Variants in SPMIP2 observed in about 807,000 individuals in gnomAD.
SPMIP2 encodes sperm microtubule inner protein 2, also known as protein SPMIP2.
At chr4:158,982,389 A>T in the SPMIP2 span, among the ~76,000 whole-genome samples, 3 of 152,214 alleles carry the variant, frequency 2.0e-5, no homozygotes, top group Non-Finnish European at 4.4e-5. Flanking sequence ...AGACATCCAC[A>T]GAACTCTCCA....
At chr4:159,073,259 T>C in the SPMIP2 span, among the ~76,000 whole-genome samples, 1 of 152,136 alleles carries the variant, frequency 6.6e-6, no homozygotes, top group African/African-American at 2.4e-5. Flanking sequence ...GCTCAAGTGA[T>C]GCTTCCACCT....
the SPMIP2 span, among the ~76,000 whole-genome samples, chr4:158,962,645 A>C: frequency 6.6e-6 from 1 of 152,164 alleles, no homozygotes; most frequent in African/African-American, 2.4e-5. Flanking sequence ...ACAGCCTGTG[A>C]GAAGCATTTC....
the SPMIP2 span, among the ~76,000 whole-genome samples, chr4:159,080,115 AC>A: frequency 6.6e-6 from 1 of 152,218 alleles, no homozygotes; most frequent in African/African-American, 2.4e-5. Flanking sequence ...GTCTTGATGT[AC>A]AAAGTGACTG....
chr4:158,966,981 C>T, the SPMIP2 span, among the ~76,000 whole-genome samples: 2 of 152,206 alleles, frequency 1.3e-5, no homozygotes, highest in South Asian at 2.1e-4. Context: ...GGCAGCATCG[C>T]TGGCTACCAA....
the SPMIP2 span, among the ~76,000 whole-genome samples, chr4:159,013,919 G>T: frequency 6.6e-6 from 1 of 151,742 alleles, no homozygotes; most frequent in South Asian, 2.1e-4. Flanking sequence ...AGAGAGTAGA[G>T]TAGTGGTTGC....
At chr4:158,981,824 A>G in the SPMIP2 span, among the ~76,000 whole-genome samples, 1 of 128,436 alleles carries the variant, frequency 7.8e-6, no homozygotes. Flanking sequence ...AAAAAAAAAA[A>G]AAAAAAAAAG....
chr4:158,934,003 C>G, the SPMIP2 span, among the ~76,000 whole-genome samples: 2 of 152,046 alleles, frequency 1.3e-5, no homozygotes, highest in African/African-American at 4.8e-5. Flanking sequence ...AGACACTATG[C>G]CAGTTGGTTT....
At chr4:158,962,278 A>T in the SPMIP2 span, among the ~76,000 whole-genome samples, 1 of 152,162 alleles carries the variant, frequency 6.6e-6, no homozygotes, top group Non-Finnish European at 1.5e-5. Context: ...CACATTTAGG[A>T]AGTCTTTTGG....
At chr4:158,895,964 CT>C in the SPMIP2 span, 29 of 819,486 alleles carry the variant, frequency 3.5e-5, 1 homozygote, top group South Asian at 4.3e-4. Context: ...ACCTCAGGCC[CT>C]GGTAACCCAT....
At chr4:158,959,219 T>A in the SPMIP2 span, among the ~76,000 whole-genome samples, 1 of 152,242 alleles carries the variant, frequency 6.6e-6, no homozygotes, top group Admixed American at 6.5e-5. Context: ...TTACCACCAA[T>A]GCTTGTTGAA....
the SPMIP2 span, among the ~76,000 whole-genome samples, chr4:158,895,279 T>A: frequency 6.6e-6 from 1 of 152,202 alleles, no homozygotes; most frequent in Admixed American, 6.5e-5. Flanking sequence ...TGGGCCAGAA[T>A]AATCTGAGCT....
the SPMIP2 span, among the ~76,000 whole-genome samples, chr4:159,019,872 T>C: frequency 2.6e-5 from 4 of 152,074 alleles, no homozygotes; most frequent in Non-Finnish European, 5.9e-5. Context: ...AGTAAATCAG[T>C]TCTGGGGGAC....
At chr4:159,034,971 T>A in the SPMIP2 span, 1 of 1,183,150 alleles carries the variant, frequency 8.5e-7, no homozygotes. Flanking sequence ...ATAAAAATCA[T>A]ATATGTGAGA....
the SPMIP2 span, among the ~76,000 whole-genome samples, chr4:159,045,219 AAAAATATTCCAGAT>A: frequency 1.3e-5 from 2 of 152,248 alleles, no homozygotes; most frequent in Non-Finnish European, 2.9e-5. Context: ...GGCCAAAGAT[AAAAATATTCCAGAT>A]AAAATATTTG....
the SPMIP2 span, among the ~76,000 whole-genome samples, chr4:159,020,825 T>C: frequency 2.0e-5 from 3 of 152,164 alleles, no homozygotes; most frequent in East Asian, 5.8e-4. Flanking sequence ...GCAGTGGCGC[T>C]ATCTCGGCTC....
the SPMIP2 span, among the ~76,000 whole-genome samples, chr4:159,031,756 CGA>C: frequency 1.3e-5 from 2 of 151,964 alleles, no homozygotes; most frequent in East Asian, 1.9e-4. Flanking sequence ...AAGAAAAATA[CGA>C]GAGATGTGAG....
At chr4:159,061,084 CAA>C in the SPMIP2 span, among the ~76,000 whole-genome samples, 17 of 138,370 alleles carry the variant, frequency 1.2e-4, no homozygotes, top group African/African-American at 3.6e-4. Context: ...GACCCTATCT[CAA>C]AAAAAAAAAT....
chr4:159,044,048 C>A, the SPMIP2 span, among the ~76,000 whole-genome samples: 488 of 152,120 alleles, frequency 3.2e-3, no homozygotes, highest in African/African-American at 0.011. Flanking sequence ...TGAAAATTTT[C>A]GTTTTTTAGC....
chr4:158,981,959 A>C, the SPMIP2 span, among the ~76,000 whole-genome samples: 46 of 152,248 alleles, frequency 3.0e-4, no homozygotes, highest in African/African-American at 1.1e-3. Context: ...AAGACTCATC[A>C]GTGTGCTGTA....
Sources: allele counts gnomAD v4.1 joint callset (sites outside exome capture counted in the v4.1 genomes callset), GRCh38; gene constraint gnomAD v4.1.1; transcripts MANE v1.5; gene names NCBI Gene and HGNC (gene_info 2026-07-23, HGNC 2026-07-21).